NCAM2: variants seen among roughly 807,000 people sequenced by gnomAD.
The protein encoded by NCAM2 is neural cell adhesion molecule 2.
NCAM2 carries 30 observed loss-of-function variants against 98.1 expected under a neutral mutation model. That is an observed-to-expected ratio of 0.31 (90% CI 0.23 to 0.41). The LOEUF is 0.41. NCAM2 is among the 10% of genes least tolerant of loss of function. The pLI, the probability that NCAM2 is intolerant of heterozygous loss-of-function variation, is 1.00. For missense variants in NCAM2, 867 were observed against 1,005.8 expected (o/e 0.86, Z 1.87); for synonymous variants, 368 against 342.4 (o/e 1.07, Z -0.83).
chr21:21,028,400 T>C (rs1019971050), intron 1 of NCAM2, among the ~76,000 whole-genome samples: 3 of 152,244 alleles, frequency 2.0e-5, no homozygotes, highest in Non-Finnish European at 2.9e-5. Context: ...TATAAGATTC[T>C]TTAATGAGGC....
At chr21:21,474,343 A>G (rs575254597) in intron 14 of NCAM2, among the ~76,000 whole-genome samples, 9 of 152,190 alleles carry the variant, frequency 5.9e-5, no homozygotes, top group Admixed American at 5.9e-4. Context: ...AATTTATCAT[A>G]TTAAGGGCTT....
At chr21:21,434,311 G>T (rs74452926) in intron 12 of NCAM2, among the ~76,000 whole-genome samples, 1 of 152,238 alleles carries the variant, frequency 6.6e-6, no homozygotes, top group East Asian at 1.9e-4. Context: ...TATGAACTAG[G>T]GAAGCTGCGT....
chr21:21,397,470 G>A (rs1251446558), intron 9 of NCAM2, among the ~76,000 whole-genome samples: 2 of 152,176 alleles, frequency 1.3e-5, no homozygotes, highest in Non-Finnish European at 2.9e-5. Context: ...GTCCAGAGGG[G>A]GTTGAGGTAG....
At chr21:21,029,356 C>G (rs572127647) in intron 1 of NCAM2, among the ~76,000 whole-genome samples, 5 of 152,286 alleles carry the variant, frequency 3.3e-5, no homozygotes, top group African/African-American at 1.2e-4. Flanking sequence ...TCTTGGTTGT[C>G]ATGTTGCTAG....
chr21:21,068,701 G>A (rs1003867144), intron 1 of NCAM2, among the ~76,000 whole-genome samples: 1 of 152,030 alleles, frequency 6.6e-6, no homozygotes, highest in Non-Finnish European at 1.5e-5. Context: ...CTTGTGATCT[G>A]CCCACCTCGG....
At chr21:21,392,029 T>C (rs1602199806) in intron 9 of NCAM2, among the ~76,000 whole-genome samples, 1 of 152,184 alleles carries the variant, frequency 6.6e-6, no homozygotes, top group Non-Finnish European at 1.5e-5. Context: ...TCTGTGTGTG[T>C]ACAGATTATT....
chr21:21,361,430 G>GT (rs200216952), intron 8 of NCAM2, among the ~76,000 whole-genome samples: 1,929 of 151,708 alleles, frequency 0.013, 21 homozygotes, highest in African/African-American at 0.012. Context: ...TTTGTACCAT[G>GT]TTTTTTTTGG....
intron 1 of NCAM2, among the ~76,000 whole-genome samples, chr21:21,258,328 A>G (rs529658514): frequency 6.6e-6 from 1 of 152,288 alleles, no homozygotes; most frequent in South Asian, 2.1e-4. Flanking sequence ...TCTGCTCAGG[A>G]CAAAGATCAA....
chr21:21,409,271 G>T (rs1052473534), intron 9 of NCAM2, among the ~76,000 whole-genome samples: 9 of 152,060 alleles, frequency 5.9e-5, no homozygotes, highest in African/African-American at 2.2e-4. Context: ...TTCACATTTA[G>T]ATTTTTAAAT....
At chr21:21,059,510 A>G (rs1246774272) in intron 1 of NCAM2, among the ~76,000 whole-genome samples, 1 of 152,118 alleles carries the variant, frequency 6.6e-6, no homozygotes, top group Middle Eastern at 3.2e-3. Flanking sequence ...AAATGGCCAT[A>G]CTATTTAGGG....
At chr21:21,274,824 T>C (rs2072663309) in intron 1 of NCAM2, among the ~76,000 whole-genome samples, 1 of 152,194 alleles carries the variant, frequency 6.6e-6, no homozygotes, top group African/African-American at 2.4e-5. Context: ...AAATTCTAAG[T>C]GAACCAAAGC....
chr21:21,297,205 A>T (rs2073519120), intron 5 of NCAM2, among the ~76,000 whole-genome samples: 1 of 151,866 alleles, frequency 6.6e-6, no homozygotes, highest in African/African-American at 2.4e-5. Flanking sequence ...GAAATGAGTT[A>T]AAAAATGAGT....
At chr21:21,466,043 G>A (rs1983637022) in intron 12 of NCAM2, among the ~76,000 whole-genome samples, 1 of 152,128 alleles carries the variant, frequency 6.6e-6, no homozygotes, top group East Asian at 1.9e-4. Context: ...GAAACTCAGA[G>A]TGAAAATACA....
At chr21:21,400,204 T>C (rs937618836) in intron 9 of NCAM2, among the ~76,000 whole-genome samples, 1 of 152,220 alleles carries the variant, frequency 6.6e-6, no homozygotes, top group Non-Finnish European at 1.5e-5. Flanking sequence ...CATATGTTAC[T>C]GTTTCATGTG....
At chr21:21,307,681 G>A (rs1250181213) in intron 5 of NCAM2, among the ~76,000 whole-genome samples, 3 of 152,112 alleles carry the variant, frequency 2.0e-5, no homozygotes, top group African/African-American at 7.2e-5. Context: ...ACCTGCAGGA[G>A]GGTGCCTTTA....
chr21:21,302,405 G>A (rs187374370), intron 5 of NCAM2, among the ~76,000 whole-genome samples: 2 of 152,098 alleles, frequency 1.3e-5, no homozygotes, highest in Admixed American at 1.3e-4. Flanking sequence ...TTTTGGCCTT[G>A]TTGAAGCTGA....
rs540130602 is a variant in NCAM2, at chr21:21,542,988, G to A, written c.*5031G>A. ...TGCCTCTAAACCCTGTTAGAAATATGTGAAGTTAGAAATAAAGGTTTTTTT... is the reference window on the plus strand; with the variant it reads ...TGCCTCTAAACCCTGTTAGAAATATATGAAGTTAGAAATAAAGGTTTTTTT... On this transcript the variant is annotated 3_prime_UTR_variant, in exon 18 of 18. Coordinates refer to ENST00000400546, the MANE Select transcript of NCAM2 (RefSeq NM_004540.5). 1.4e-5 allele frequency: 2 copies of A among 143,464 alleles called. No individual in the cohort carries two copies. The highest frequency in any genetic ancestry group is 5.4e-5 in the African/African-American group (2 of 37,132). The allele number at this position is 143,464 out of a possible 1,614,324, so 8.9% of individuals were successfully genotyped here.
At chr21:21,416,019 T>C (rs995025985) in intron 10 of NCAM2, among the ~76,000 whole-genome samples, 5 of 152,216 alleles carry the variant, frequency 3.3e-5, no homozygotes, top group Admixed American at 2.0e-4. Context: ...TTTGTTGCAA[T>C]AGGCTTCTGT....
At chr21:21,196,857 T>C (rs538043892) in intron 1 of NCAM2, among the ~76,000 whole-genome samples, 1 of 152,302 alleles carries the variant, frequency 6.6e-6, no homozygotes, top group African/African-American at 2.4e-5. Context: ...GGGCCGTTTC[T>C]CATGAATGAT....
Sources: gnomAD v4.1 joint callset for allele counts (sites outside exome capture counted in the v4.1 genomes callset) on GRCh38, gnomAD v4.1.1 for gene constraint, MANE v1.5 for transcripts, NCBI Gene and HGNC (gene_info 2026-07-23, HGNC 2026-07-21) for gene names.